CFH: variants seen among roughly 807,000 people sequenced by gnomAD.
CFH encodes the protein complement factor H, also known as H factor 1 (complement).
Under a neutral mutation model 147.3 loss-of-function variants are expected in CFH, and 53 were observed. The observed-to-expected ratio is 0.36, with a 90% CI of 0.29 to 0.45. The LOEUF is 0.45. CFH is among the 20% of genes least tolerant of loss of function. CFH has a pLI of 1.00. For missense variants in CFH, 1,380 were observed against 1,498.0 expected, an observed-to-expected ratio of 0.92 and a Z score of 1.30; for synonymous variants, 536 against 489.4, an observed-to-expected ratio of 1.10 and a Z score of -1.26.
Position 196,742,064 on chromosome 1 carries a change from A to T in CFH, c.3133+13A>T. On this transcript the variant is annotated intron_variant, in intron 19 of 21. Coordinates refer to ENST00000367429, the MANE Select transcript of CFH (RefSeq NM_000186.4). ...CCAACATGCAGAGGTACTTTGGTGA[A>T]TTTTCAAAATTTATTTATATAATGT... The T allele has an allele frequency of 1.2e-6, 2 of 1,613,394 alleles. No homozygotes were observed. The highest frequency in any genetic ancestry group is 4.5e-5 in the East Asian group (2 of 44,828).
chr1:196,681,058 A>T (rs904616740), intron 6 of CFH, among the ~76,000 whole-genome samples: 2 of 151,880 alleles, frequency 1.3e-5, no homozygotes, highest in Non-Finnish European at 2.9e-5. Context: ...AAGGAAGTGC[A>T]TGCACAAGTC....
chr1:196,682,891 C>T (rs760104357), intron 6 of CFH, among the ~76,000 whole-genome samples: 6 of 151,192 alleles, frequency 4.0e-5, no homozygotes, highest in African/African-American at 9.7e-5. Context: ...TCTGTCAGAA[C>T]GAAGTATAAA....
chr1:196,732,141 A>T (rs2149110843), intron 15 of CFH, among the ~76,000 whole-genome samples: 1 of 152,090 alleles, frequency 6.6e-6, no homozygotes, highest in Non-Finnish European at 1.5e-5. Flanking sequence ...ACATGGTAGT[A>T]TTCCATCTGG....
At chr1:196,680,311 C>CA (rs34028773) in intron 6 of CFH, among the ~76,000 whole-genome samples, 23,926 of 93,482 alleles carry the variant, frequency 0.26, 2,386 homozygotes, top group African/African-American at 0.36. Flanking sequence ...GGAAAATTAC[C>CA]AAAAAAAAAA....
chr1:196,734,986 G>C (rs974917188), intron 15 of CFH, among the ~76,000 whole-genome samples: 5 of 151,816 alleles, frequency 3.3e-5, no homozygotes, highest in African/African-American at 1.2e-4. Context: ...CTCAATCTTA[G>C]GGTGAAAAAT....
At chr1:196,674,886 C>A (rs1558155265) in intron 3 of CFH, among the ~76,000 whole-genome samples, 1 of 151,956 alleles carries the variant, frequency 6.6e-6, no homozygotes, top group Middle Eastern at 3.2e-3. Context: ...ATAAATAAGA[C>A]ACACATCTGC....
At chr1:196,695,889 A>T (rs1295089885) in intron 9 of CFH, among the ~76,000 whole-genome samples, 2 of 152,122 alleles carry the variant, frequency 1.3e-5, no homozygotes, top group Non-Finnish European at 2.9e-5. Flanking sequence ...TTATCAGCTT[A>T]AGGAGTTTCT....
intron 7 of CFH, among the ~76,000 whole-genome samples, chr1:196,688,845 G>A (rs1667919336): frequency 6.6e-6 from 1 of 151,960 alleles, no homozygotes; most frequent in Non-Finnish European, 1.5e-5. Flanking sequence ...AACTCCTTAC[G>A]AGTGATCTGC....
chr1:196,670,140 G>T (rs1667228581), intron 1 of CFH, among the ~76,000 whole-genome samples: 1 of 152,176 alleles, frequency 6.6e-6, no homozygotes, highest in African/African-American at 2.4e-5. Context: ...TTTACCCAAT[G>T]CCTGTATTCC....
intron 1 of CFH, among the ~76,000 whole-genome samples, chr1:196,658,401 C>G (rs1666782100): frequency 9.1e-6 from 1 of 109,804 alleles, no homozygotes; most frequent in South Asian, 3.0e-4. Context: ...CCACCTTGCT[C>G]AGGTAATTTT....
In CFH at chr1:196,712,302, T is replaced by G. The variant is rs1213605186; in HGVS notation, c.1337-1433T>G. 2.0e-5 allele frequency among the ~76,000 whole-genome samples: 3 copies of G among 151,900 alleles called. No individual in the cohort carries two copies. The East Asian group carries it at 5.8e-4, about 29-fold the overall frequency. On this transcript the variant is annotated intron_variant, in intron 9 of 21. Coordinates refer to ENST00000367429, the MANE Select transcript of CFH (RefSeq NM_000186.4). Reference sequence around the variant, plus strand: ...GTTTTCTATTTGGTTTCTTCTCATATTTGGATTTGTTTCAAAATTTATACT... The same window carrying G: ...GTTTTCTATTTGGTTTCTTCTCATAGTTGGATTTGTTTCAAAATTTATACT...
chr1:196,738,811 C>A (rs1247183111), intron 17 of CFH, among the ~76,000 whole-genome samples: 1 of 152,228 alleles, frequency 6.6e-6, no homozygotes, highest in Non-Finnish European at 1.5e-5. Context: ...AAGGCAGTGC[C>A]TCAGTGGGGA....
chr1:196,695,757 T>C (rs1056131619), intron 9 of CFH, among the ~76,000 whole-genome samples: 1 of 152,124 alleles, frequency 6.6e-6, no homozygotes, highest in Admixed American at 6.6e-5. Flanking sequence ...TATTTTATTT[T>C]CTTTGTGGCA....
chr1:196,659,674 G>T (rs1666838188), intron 1 of CFH, among the ~76,000 whole-genome samples: 1 of 152,174 alleles, frequency 6.6e-6, no homozygotes, highest in Admixed American at 6.5e-5. Context: ...TGTGGAAAGG[G>T]CCTGTAACTT....
intron 2 of CFH, chr1:196,673,525 T>C: frequency 2.7e-6 from 1 of 372,060 alleles, no homozygotes; most frequent in Non-Finnish European, 5.0e-6. Flanking sequence ...TTAGTAGAGA[T>C]GGGGTTTCAC....
chr1:196,710,069 T>A (rs1029281013), intron 9 of CFH, among the ~76,000 whole-genome samples: 4 of 150,872 alleles, frequency 2.7e-5, no homozygotes, highest in Non-Finnish European at 5.9e-5. Context: ...GACACACACA[T>A]CAGCTGGTCT....
At chr1:196,705,512 C>T (rs1325662179) in intron 9 of CFH, among the ~76,000 whole-genome samples, 1 of 152,164 alleles carries the variant, frequency 6.6e-6, no homozygotes, top group Non-Finnish European at 1.5e-5. Context: ...CCTTTCTAAC[C>T]ATTAAGTAAA....
chr1:196,743,636 A>G lies in CFH; in HGVS notation c.3310+8A>G, dbSNP rs754072335. 6 of 1,613,892 alleles carry G rather than the reference A, an allele frequency of 3.7e-6. No homozygotes were observed. The South Asian group carries it at 5.5e-5, about 15-fold the overall frequency. On this transcript the variant is annotated splice_region_variant and intron_variant, in intron 20 of 21. Transcript: ENST00000367429. ...AACCACCTCAATGCAAAGGTAGAGT[A>G]TTATATTTCTTTTAACATTTTGGGG...
intron 11 of CFH, 73 bp downstream of exon 11, chr1:196,715,842 T>A: frequency 7.9e-7 from 1 of 1,273,488 alleles, no homozygotes; most frequent in Non-Finnish European, 1.1e-6. Flanking sequence ...AAAATTTGAA[T>A]TATATAGAGG....
Sources: gnomAD v4.1 joint callset for allele counts (sites outside exome capture counted in the v4.1 genomes callset) on GRCh38, gnomAD v4.1.1 for gene constraint, MANE v1.5 for transcripts, NCBI Gene and HGNC (gene_info 2026-07-23, HGNC 2026-07-21) for gene names.